Variants in DLGAP1 observed in about 807,000 individuals in gnomAD.
The protein encoded by DLGAP1 is disks large-associated protein 1.
A neutral mutation model predicts 90.8 loss-of-function variants in DLGAP1; 11 were observed. That is an observed-to-expected ratio of 0.12 (90% CI 0.08 to 0.20). DLGAP1 has a LOEUF of 0.20. DLGAP1 is among the 10% of genes least tolerant of loss of function. The pLI is 1.00. For missense variants in DLGAP1, 1,050 were observed against 1,333.8 expected (o/e 0.79, Z 3.31); for synonymous variants, 558 against 540.7 (o/e 1.03, Z -0.44).
At chr18:4,402,952 A>G (rs960382665) in intron 1 of DLGAP1, among the ~76,000 whole-genome samples, 1 of 152,160 alleles carries the variant, frequency 6.6e-6, no homozygotes, top group African/African-American at 2.4e-5. Context: ...TTCACTTAGT[A>G]TTATATTGCA....
intron 2 of DLGAP1, among the ~76,000 whole-genome samples, chr18:4,025,264 C>T (rs1236882581): frequency 1.3e-5 from 2 of 152,042 alleles, no homozygotes; most frequent in Non-Finnish European, 2.9e-5. Flanking sequence ...GTGAGTACTG[C>T]TATTACAGGT....
intron 1 of DLGAP1, among the ~76,000 whole-genome samples, chr18:4,199,320 T>C (rs994962811): frequency 1.4e-4 from 21 of 152,250 alleles, no homozygotes; most frequent in African/African-American, 4.8e-4. Context: ...ATTGCAAGCA[T>C]ATTATATCAA....
In DLGAP1 at chr18:4,128,476, G is replaced by A. The variant is rs111359150; in HGVS notation, c.-159+22704C>T. On this transcript the variant is annotated intron_variant, in intron 2 of 12. Transcript: ENST00000315677. ...TCTCCTGCAACTGCTGATTCCACAC[G>A]TGAAAATGTGATTATATTACTTGAC... Among the ~76,000 whole-genome samples, 19 of 152,074 alleles carry A rather than the reference G, an allele frequency of 1.2e-4. 1 individual carries two copies. Among genetic ancestry groups the A allele is most frequent in the Non-Finnish European group, 2.2e-4 (15 of 68,018 alleles).
rs374388895 is a variant in DLGAP1, at chr18:4,429,652, G to T, written c.-267+25354C>A. On this transcript the variant is annotated intron_variant, in intron 1 of 12. Coordinates refer to ENST00000315677, the MANE Select transcript of DLGAP1 (RefSeq NM_004746.4). ...TGTGAGTCTAAACTGGCAATACCAC[G>T]TAGCAAAACAGCTGCTCATGATCTT... 7.2e-5 allele frequency among the ~76,000 whole-genome samples: 11 copies of T among 152,218 alleles called. No individual in the cohort carries two copies. In the East Asian group the frequency reaches 1.4e-3, roughly 19 times the overall value.
At position 4,063,637 on chromosome 18, in the gene DLGAP1, C is replaced by A. The variant is rs190958191; in HGVS notation, c.-158-58436G>T. Among the ~76,000 whole-genome samples the A allele has an allele frequency of 2.5e-4, 38 of 152,114 alleles. No individual in the cohort carries two copies. The East Asian group carries it at 7.2e-3, about 29-fold the overall frequency. On this transcript the variant is annotated intron_variant, in intron 2 of 12. Transcript: ENST00000315677. ...TCTAGGAGAGATAAAGAGTTTTATACCTATAAAAATCTGAAAAGAAACATT... is the reference window on the plus strand; with the variant it reads ...TCTAGGAGAGATAAAGAGTTTTATAACTATAAAAATCTGAAAAGAAACATT...
chr18:3,693,775 T>C (rs2060983335), intron 7 of DLGAP1, among the ~76,000 whole-genome samples: 3 of 152,190 alleles, frequency 2.0e-5, no homozygotes, highest in Non-Finnish European at 1.5e-5. Context: ...GAATCCAGAT[T>C]GGGCTAGGAA....
In DLGAP1 at chr18:3,572,745, C is replaced by A. The variant is rs541533274; in HGVS notation, c.1966-5164G>T. Among the ~76,000 whole-genome samples the A allele has an allele frequency of 1.6e-4, 25 of 152,266 alleles. No homozygotes were observed. The Middle Eastern group carries it at 0.01, about 62-fold the overall frequency. On this transcript the variant is annotated intron_variant, in intron 8 of 12. Coordinates refer to ENST00000315677, the MANE Select transcript of DLGAP1 (RefSeq NM_004746.4). ...GATTACAGGTGTGAGCCACTACACC[C>A]GGCCTTTAGTTTGGTTTCTTATAAA... is the stretch of plus-strand genomic sequence containing the variant.
intron 2 of DLGAP1, among the ~76,000 whole-genome samples, chr18:4,079,321 A>G (rs1338007592): frequency 7.7e-5 from 10 of 129,424 alleles, no homozygotes; most frequent in South Asian, 2.3e-4. Flanking sequence ...ACACACACAC[A>G]CACACACACA....
intron 1 of DLGAP1, among the ~76,000 whole-genome samples, chr18:4,388,999 C>T (rs1211467451): frequency 6.6e-6 from 1 of 152,112 alleles, no homozygotes; most frequent in African/African-American, 2.4e-5. Flanking sequence ...CCAGCAGTTC[C>T]ACTTCTGGGT....
chr18:3,718,663 C>T (rs1228247294), intron 7 of DLGAP1, among the ~76,000 whole-genome samples: 6 of 151,774 alleles, frequency 4.0e-5, no homozygotes, highest in Admixed American at 1.3e-4. Flanking sequence ...CGGTGGCTCA[C>T]GCCTGTAATC....
chr18:3,952,643 A>T (rs2073010893), intron 3 of DLGAP1, among the ~76,000 whole-genome samples: 1 of 152,248 alleles, frequency 6.6e-6, no homozygotes, highest in Non-Finnish European at 1.5e-5. Context: ...TGGAGAGAAA[A>T]GGGTAAATGT....
At chr18:4,100,097 A>G (rs1331431278) in intron 2 of DLGAP1, among the ~76,000 whole-genome samples, 1 of 152,204 alleles carries the variant, frequency 6.6e-6, no homozygotes, top group Admixed American at 6.5e-5. Context: ...ATCTAGAATA[A>G]TTAATTATTT....
At chr18:4,302,052 T>A (rs1598852612) in intron 1 of DLGAP1, among the ~76,000 whole-genome samples, 1 of 152,204 alleles carries the variant, frequency 6.6e-6, no homozygotes, top group African/African-American at 2.4e-5. Context: ...ACTTATCAGA[T>A]GTGTGGCTTA....
chr18:3,609,856 A>G (rs75562840), intron 7 of DLGAP1, among the ~76,000 whole-genome samples: 1 of 151,368 alleles, frequency 6.6e-6, no homozygotes, highest in Admixed American at 6.6e-5. Flanking sequence ...TCAGAAGTTC[A>G]AGACCAGCCT....
chr18:3,561,958 G>A (rs1233260887), intron 9 of DLGAP1, among the ~76,000 whole-genome samples: 1 of 150,838 alleles, frequency 6.6e-6, no homozygotes, highest in Non-Finnish European at 1.5e-5. Context: ...ACCGGGCACT[G>A]TGGCTCACGT....
At chr18:4,346,112 CT>C (rs2081298575) in intron 1 of DLGAP1, among the ~76,000 whole-genome samples, 2 of 152,202 alleles carry the variant, frequency 1.3e-5, no homozygotes, top group South Asian at 4.1e-4. Context: ...TTCATGATTA[CT>C]TTTGCAATGT....
chr18:3,710,878 G>A lies in DLGAP1; in HGVS notation c.1591+18257C>T, dbSNP rs372117269. 1.4e-4 allele frequency among the ~76,000 whole-genome samples: 22 copies of A among 152,314 alleles called. 1 individual carries two copies. Among genetic ancestry groups the A allele is most frequent in the African/African-American group, 5.3e-4 (22 of 41,560 alleles). ...CGCCAGAGCCCTAAGGCAGGAACAA[G>A]CTCGCTGGGTTCCAGAAGGTCAGAG... On this transcript the variant is annotated intron_variant, in intron 7 of 12. Coordinates refer to ENST00000315677, the MANE Select transcript of DLGAP1 (RefSeq NM_004746.4).
Position 3,526,546 on chromosome 18 carries a change from G to T in DLGAP1, c.2479+7648C>A, listed in dbSNP as rs948897548. Among the ~76,000 whole-genome samples the T allele has an allele frequency of 7.9e-5, 12 of 152,248 alleles. No individual in the cohort carries two copies. The highest frequency in any genetic ancestry group is 2.9e-4 in the African/African-American group (12 of 41,460). On this transcript the variant is annotated intron_variant, in intron 10 of 12. Coordinates refer to ENST00000315677, the MANE Select transcript of DLGAP1 (RefSeq NM_004746.4). The surrounding 1 kb of genome is among the most constrained non-coding windows in gnomAD (Gnocchi z 4.7). ...AAAATTAAAGTGGAAGAATTAATCT[G>T]CCTCCGGCACATGCTCTAGGTTTAT...
At chr18:3,930,638 G>A (rs2072495724) in intron 3 of DLGAP1, among the ~76,000 whole-genome samples, 1 of 152,112 alleles carries the variant, frequency 6.6e-6, no homozygotes, top group Non-Finnish European at 1.5e-5. Context: ...GGTTCCAGGT[G>A]CTCCATGGGC....
Sources: allele counts gnomAD v4.1 joint callset (sites outside exome capture counted in the v4.1 genomes callset), GRCh38; gene constraint gnomAD v4.1.1; non-coding constraint Gnocchi (gnomAD v3.1); transcripts MANE v1.5; gene names NCBI Gene and HGNC (gene_info 2026-07-23, HGNC 2026-07-21).